The following OR6P1 variants were observed in gnomAD, a reference collection of about 807,000 sequenced individuals.
OR6P1 encodes olfactory receptor family 6 subfamily P member 1.
Under a neutral mutation model 6.6 loss-of-function variants are expected in OR6P1, and 5 were observed. That is an observed-to-expected ratio of 0.76 (90% CI 0.40 to 1.60). The LOEUF (loss-of-function observed/expected upper bound fraction) is 1.60. OR6P1 is among the 40% of genes most tolerant of loss of function. The pLI is 0.02. For missense variants in OR6P1, 451 were observed against 383.0 expected (o/e 1.18, Z -1.48); for synonymous variants, 177 against 149.6 (o/e 1.18, Z -1.33).
Position 158,563,686 on chromosome 1 carries a change from A to G in OR6P1, c.-22-60T>C, listed in dbSNP as rs547137235. On this transcript the variant is annotated intron_variant, in intron 2 of 2. Transcript: ENST00000641540. ...AAGATAGCTGCAACAAACCACCAAC[A>G]TACTCTCACAGGTTATAACCACTGA... The G allele has an allele frequency of 1.1e-4, 89 of 819,026 alleles. No homozygotes were observed. The African/African-American group carries it at 1.4e-3, about 13-fold the overall frequency. 50.7% of individuals were successfully genotyped at this position (819,026 alleles called of 1,614,324 possible). A position where few individuals can be genotyped will look rare whatever the true frequency, so the allele number is the denominator to read the frequency against.
At position 158,562,761 on chromosome 1, in the gene OR6P1, C is replaced by G; in HGVS notation, c.844G>C (p.Val282Leu). 1.9e-6 allele frequency: 3 copies of G among 1,556,146 alleles called. No individual in the cohort carries two copies. The highest frequency in any genetic ancestry group is 2.6e-6 in the Non-Finnish European group (3 of 1,149,288). The change falls in exon 3 of 3, where the codon GTA becomes CTA. Residue 282 changes from valine to leucine, a missense_variant. By Grantham distance (32) the Val-to-Leu change is conservative (BLOSUM62 1). Transcript: ENST00000641540. ...KIISVLYTII[V>L]PFFNPAIYCL... ...TAGATGGCTGGGTTGAAGAATGGTA[C>G]AATGATAGTGTAGAGCACAGAGATA...
chr1:158,565,024 A>G (rs1188875692), intron 2 of OR6P1, among the ~76,000 whole-genome samples: 1 of 152,200 alleles, frequency 6.6e-6, no homozygotes, highest in Non-Finnish European at 1.5e-5. Context: ...TTAAAAAATG[A>G]TATACTAATT....
At chr1:158,563,707 A>G in intron 2 of OR6P1, 81 bp from the exon 3 acceptor site, 2 of 704,456 alleles carry the variant, frequency 2.8e-6, no homozygotes, top group South Asian at 3.7e-5. Flanking sequence ...GGTTATAACC[A>G]CTGAAGAGCT....
rs1287474004 is a variant in OR6P1, at chr1:158,562,634, C to A, written c.*17G>T. 8.2e-6 allele frequency: 12 copies of A among 1,463,182 alleles called. No individual in the cohort carries two copies. The highest frequency in any genetic ancestry group is 2.0e-5 in the Admixed American group (1 of 50,800). 90.6% of individuals were successfully genotyped at this position (1,463,182 alleles called of 1,614,324 possible). A position where few individuals can be genotyped will look rare whatever the true frequency, so the allele number is the denominator to read the frequency against. ...TAAGATTCTGCTATTTTCACCTCTC[C>A]CAAGACCTGTTGTATATCAGTCCTG... is the stretch of plus-strand genomic sequence containing the variant. On this transcript the variant is annotated 3_prime_UTR_variant, in exon 3 of 3. Coordinates refer to ENST00000641540, the MANE Select transcript of OR6P1 (RefSeq NM_001160325.2).
intron 2 of OR6P1, among the ~76,000 whole-genome samples, chr1:158,564,441 A>G (rs1378713607): frequency 6.6e-6 from 1 of 152,202 alleles, no homozygotes; most frequent in Non-Finnish European, 1.5e-5. Context: ...AAATACAATG[A>G]AAAAGGTCTT....
chr1:158,568,971 T>C (rs1004072011), intron 1 of OR6P1, among the ~76,000 whole-genome samples: 2 of 152,188 alleles, frequency 1.3e-5, no homozygotes, highest in Non-Finnish European at 2.9e-5. Flanking sequence ...AACGTATATT[T>C]ATCAAATTAG....
rs1214320252 is a variant in OR6P1 at position 158,568,332 on chromosome 1, G to A, written c.-117-1474C>T. On this transcript the variant is annotated intron_variant, in intron 1 of 2. Coordinates refer to ENST00000641540, the MANE Select transcript of OR6P1 (RefSeq NM_001160325.2). ...TTCTTACTTGCTTTAACTTCTAGGTGTGTCTTCTCCATCATCAGTCTGGGA... is the reference window on the plus strand; with the variant it reads ...TTCTTACTTGCTTTAACTTCTAGGTATGTCTTCTCCATCATCAGTCTGGGA... Among the ~76,000 whole-genome samples, 3 of 152,096 alleles carry A rather than the reference G, an allele frequency of 2.0e-5. 1 individual carries two copies. In the South Asian group the frequency reaches 6.2e-4, roughly 32 times the overall value.
In OR6P1 at chr1:158,563,189, C is replaced by A; in HGVS notation, c.416G>T (p.Ser139Ile). ...PLLYPSLMPS[S>I]LATRLAAASW... is the part of the protein sequence containing the mutation. ...GGCAGCAGCAAGGCGAGTGGCCAGA[C>A]TGGAAGGCATGAGACTAGGGTAAAG... is the stretch of plus-strand genomic sequence containing the variant. The change falls in exon 3 of 3, where the codon AGT becomes ATT. Residue 139 changes from serine to isoleucine, a missense_variant. Coordinates refer to ENST00000641540, the MANE Select transcript of OR6P1 (RefSeq NM_001160325.2). The A allele has an allele frequency of 1.3e-6, 2 of 1,551,420 alleles. No homozygotes were observed. Among genetic ancestry groups the A allele is most frequent in the Non-Finnish European group, 1.7e-6 (2 of 1,146,934 alleles).
intron 2 of OR6P1, among the ~76,000 whole-genome samples, chr1:158,564,788 A>T (rs1648058477): frequency 6.6e-6 from 1 of 152,208 alleles, no homozygotes; most frequent in Non-Finnish European, 1.5e-5. Flanking sequence ...GCCATGGGAA[A>T]CTGATGCAAC....
Position 158,563,457 on chromosome 1 carries a change from A to G in OR6P1, c.148T>C (p.Trp50Arg). The G allele has an allele frequency of 1.2e-5, 18 of 1,551,266 alleles. No individual in the cohort carries two copies. Among genetic ancestry groups the G allele is most frequent in the Non-Finnish European group, 1.6e-5 (18 of 1,146,734 alleles). The change falls in exon 3 of 3, where the codon TGG (tryptophan) becomes CGG (arginine). Residue 50 changes from tryptophan to arginine, a missense_variant. Trp to Arg is a moderately radical substitution (Grantham distance 101). Coordinates refer to ENST00000641540, the MANE Select transcript of OR6P1 (RefSeq NM_001160325.2). ...GGACGATGAAGGCTTGGAGCAAGCC[A>G]TATTGTGAAGACAATAAGTGCATTC... ...LENALIVFTI[W>R]LAPSLHRPMY...
Position 158,563,266 on chromosome 1 carries a change from C to T in OR6P1, c.339G>A (p.Val113=). ...FFIALACTEC[V]LLAVMAYDRY... is the part of the protein sequence containing the mutation. ...GATCATAGGCCATAACTGCCAACAG[C>T]ACACATTCAGTACAGGCTAAGGCAA... The change falls in exon 3 of 3, where the codon GTG becomes GTA. Residue 113 remains valine, a synonymous_variant. Coordinates refer to ENST00000641540, the MANE Select transcript of OR6P1 (RefSeq NM_001160325.2). 1 of 1,551,644 alleles carries T rather than the reference C, an allele frequency of 6.4e-7. No individual in the cohort carries two copies. Among genetic ancestry groups the T allele is most frequent in the Non-Finnish European group, 8.7e-7 (1 of 1,147,000 alleles).
intron 2 of OR6P1, among the ~76,000 whole-genome samples, chr1:158,564,078 A>G (rs1648037732): frequency 6.6e-6 from 1 of 152,196 alleles, no homozygotes; most frequent in Non-Finnish European, 1.5e-5. Flanking sequence ...ACTCAAGGAG[A>G]TTGCTTGAAC....
chr1:158,563,322 C>T lies in OR6P1; in HGVS notation c.283G>A (p.Val95Ile), dbSNP rs375856471. 3.5e-5 allele frequency: 55 copies of T among 1,551,474 alleles called. No homozygotes were observed. In the Middle Eastern group the frequency reaches 5.0e-4, roughly 14 times the overall value. ...AAGTACAGTTGGGTCATGCAACCTA[C>T]GTAGGAGACTCTACCATCCTGGGTA... ...FLTQDGRVSY[V>I]GCMTQLYFFI... Residue 95 changes from valine (V) to isoleucine (I), a missense_variant, in exon 3 of 3, where the codon GTA (valine) becomes ATA (isoleucine). Val to Ile is a conservative substitution (Grantham distance 29). Coordinates refer to ENST00000641540, the MANE Select transcript of OR6P1 (RefSeq NM_001160325.2).
Position 158,562,654 on chromosome 1 carries a change from G to A in OR6P1, c.951C>T (p.Asp317=), listed in dbSNP as rs773337733. The change falls in exon 3 of 3, where the codon GAC becomes GAT. Residue 317 remains aspartate, a synonymous_variant. Transcript: ENST00000641540. ...CTCTCCCAAGACCTGTTGTATATCA[G>A]TCCTGAACATCCCTAGGATAGTGAC... ...GRCHYPRDVQ[D] 6.5e-7 allele frequency: 1 copy of A among 1,541,158 alleles called. No homozygotes were observed. Among genetic ancestry groups the A allele is most frequent in the Admixed American group, 2.0e-5 (1 of 51,012 alleles).
chr1:158,562,601 G>T lies in OR6P1; in HGVS notation c.*50C>A. 1 of 1,007,062 alleles carries T rather than the reference G, an allele frequency of 9.9e-7. No homozygotes were observed. Among genetic ancestry groups the T allele is most frequent in the Non-Finnish European group, 1.5e-6 (1 of 654,602 alleles). The allele number at this position is 1,007,062 out of a possible 1,614,324, so 62.4% of individuals were successfully genotyped here. On this transcript the variant is annotated 3_prime_UTR_variant, in exon 3 of 3. Transcript: ENST00000641540. ...AAAGCCTATTCTGATTCCTTGAGGA[G>T]GCCCTATTAAGATTCTGCTATTTTC...
intron 2 of OR6P1, among the ~76,000 whole-genome samples, chr1:158,565,611 A>T (rs1648077256): frequency 6.6e-6 from 1 of 152,152 alleles, no homozygotes; most frequent in Admixed American, 6.5e-5. Flanking sequence ...TATATAAAAC[A>T]TCTAAAAATA....
At chr1:158,566,417 G>A (rs1648096981) in intron 2 of OR6P1, among the ~76,000 whole-genome samples, 1 of 152,132 alleles carries the variant, frequency 6.6e-6, no homozygotes, top group Non-Finnish European at 1.5e-5. Flanking sequence ...ACATGCCTCA[G>A]GAGTAGGTAA....
rs563486956 is a variant in OR6P1 at position 158,566,730 on chromosome 1, T to C, written c.-23+34A>G. On this transcript the variant is annotated intron_variant, in intron 2 of 2. Coordinates refer to ENST00000641540, the MANE Select transcript of OR6P1 (RefSeq NM_001160325.2). ...AAAACTAGGGTTCTTTTCCAGTTAT[T>C]GCACTGCATAAAATTGGTGAAATTC... is the stretch of plus-strand genomic sequence containing the variant. The C allele has an allele frequency of 4.2e-4, 64 of 152,304 alleles. 1 individual carries two copies. The highest frequency in any genetic ancestry group is 1.5e-3 in the African/African-American group (62 of 41,582). The allele number at this position is 152,304 out of a possible 1,614,324, so 9.4% of individuals were successfully genotyped here. A position where few individuals can be genotyped will look rare whatever the true frequency, so the allele number is the denominator to read the frequency against.
chr1:158,563,669 T>C (rs1648028948), intron 2 of OR6P1, 43 bp from the exon 3 acceptor site: 2 of 1,007,082 alleles, frequency 2.0e-6, no homozygotes, highest in Non-Finnish European at 3.0e-6. Flanking sequence ...GAAAGATAGC[T>C]GCAACAAACC....
Sources: allele counts gnomAD v4.1 joint callset (sites outside exome capture counted in the v4.1 genomes callset), GRCh38; gene constraint gnomAD v4.1.1; transcripts MANE v1.5; gene names NCBI Gene and HGNC (gene_info 2026-07-23, HGNC 2026-07-21).